The following SLC7A7 variants were observed in gnomAD, a reference collection of about 807,000 sequenced individuals.
SLC7A7 encodes solute carrier family 7 member 7.
SLC7A7 carries 39 observed loss-of-function variants against 47.9 expected under a neutral mutation model. The ratio of observed to expected loss-of-function variants is 0.81; its 90% CI spans 0.63 to 1.06. The LOEUF is 1.06. SLC7A7 is among the 50% of genes least tolerant of loss of function. SLC7A7 has a pLI of 0.00. For synonymous variants in SLC7A7, 234 were observed against 242.8 expected, an observed-to-expected ratio of 0.96 and a Z score of 0.34; for missense variants, 588 against 632.0, an observed-to-expected ratio of 0.93 and a Z score of 0.75.
At chr14:22,788,742 A>G (rs2038871565) in intron 2 of SLC7A7, among the ~76,000 whole-genome samples, 1 of 152,000 alleles carries the variant, frequency 6.6e-6, no homozygotes, top group Middle Eastern at 3.2e-3. Flanking sequence ...CTACGACTAC[A>G]GACAAAAATA....
chr14:22,785,762 G>A (rs1270993247), intron 2 of SLC7A7, among the ~76,000 whole-genome samples: 1 of 149,164 alleles, frequency 6.7e-6, no homozygotes, highest in Non-Finnish European at 1.5e-5. Context: ...GGTGGCTCAC[G>A]CTGTAATCCC....
chr14:22,798,038 G>A (rs1566455305), intron 2 of SLC7A7, among the ~76,000 whole-genome samples: 1 of 152,360 alleles, frequency 6.6e-6, no homozygotes, highest in African/African-American at 2.4e-5. Flanking sequence ...GCTCATGCCT[G>A]TAATCCCAGC....
At position 22,773,909 on chromosome 14, in the gene SLC7A7, C is replaced by T. The variant is rs116446064; in HGVS notation, c.1429+24G>A. ...AAAACCAAGCTCTGCAATAGCTGAG[C>T]GGACTTAAGGATGCACGGCTTACCC... On this transcript the variant is annotated intron_variant, in intron 9 of 9. Coordinates refer to ENST00000674313, the MANE Select transcript of SLC7A7 (RefSeq NM_003982.4). The T allele has an allele frequency of 5.9e-5, 96 of 1,613,448 alleles. No homozygotes were observed. In the African/African-American group the frequency reaches 1.1e-3, roughly 18 times the overall value.
chr14:22,773,801 G>C (rs991886207), intron 9 of SLC7A7, 85 bp from the exon 10 acceptor site: 1 of 1,525,384 alleles, frequency 6.6e-7, no homozygotes, highest in African/African-American at 1.4e-5. Flanking sequence ...AGTGTGAGGG[G>C]AGTGATTCCA....
Position 22,801,908 on chromosome 14 carries a change from G to A in SLC7A7, c.499+10992C>T, listed in dbSNP as rs553494495. On this transcript the variant is annotated intron_variant, in intron 2 of 9. Transcript: ENST00000674313. ...AAAAGACAATGACAGTGCAGGGAACGTGGCAACCTCTTCGCAAATACTTGT... is the reference window on the plus strand; with the variant it reads ...AAAAGACAATGACAGTGCAGGGAACATGGCAACCTCTTCGCAAATACTTGT... Among the ~76,000 whole-genome samples, 7 of 152,336 alleles carry A rather than the reference G, an allele frequency of 4.6e-5. No homozygotes were observed. The East Asian group carries it at 5.8e-4, about 13-fold the overall frequency.
At chr14:22,800,690 TTTG>T (rs1360751804) in intron 2 of SLC7A7, among the ~76,000 whole-genome samples, 1 of 7,976 alleles carries the variant, frequency 1.3e-4, no homozygotes, top group Non-Finnish European at 7.1e-4. Context: ...ATCCTAACAC[TTTG>T]TTTGGGAGGC....
At chr14:22,807,576 T>A (rs7144980) in intron 2 of SLC7A7, among the ~76,000 whole-genome samples, 2,707 of 151,824 alleles carry the variant, frequency 0.018, 84 homozygotes, top group African/African-American at 0.062. Context: ...TCTAAAAATA[T>A]AAAAATAAAC....
chr14:22,792,725 C>T (rs142537991), intron 2 of SLC7A7, among the ~76,000 whole-genome samples: 2,061 of 149,824 alleles, frequency 0.014, 26 homozygotes, highest in East Asian at 0.022. Flanking sequence ...GCCGTGGTGG[C>T]GCACGCCTGT....
intron 2 of SLC7A7, among the ~76,000 whole-genome samples, chr14:22,786,397 G>A (rs1594955370): frequency 6.6e-6 from 1 of 152,138 alleles, no homozygotes; most frequent in East Asian, 1.9e-4. Context: ...ACAACCCCTT[G>A]TGGAGCAAAT....
intron 2 of SLC7A7, among the ~76,000 whole-genome samples, chr14:22,785,088 G>A: frequency 6.6e-6 from 1 of 152,008 alleles, no homozygotes; most frequent in Non-Finnish European, 1.5e-5. Flanking sequence ...AGACCAGTCT[G>A]GCCACCATGG....
intron 2 of SLC7A7, among the ~76,000 whole-genome samples, chr14:22,802,441 A>G (rs74500293): frequency 0.2 from 30,000 of 151,082 alleles, 3,241 homozygotes; most frequent in South Asian, 0.28. Context: ...CAAACAAAAA[A>G]AATATTTATC....
intron 4 of SLC7A7, among the ~76,000 whole-genome samples, chr14:22,777,466 G>A (rs2038635629): frequency 1.3e-5 from 2 of 152,112 alleles, no homozygotes; most frequent in Admixed American, 6.6e-5. Context: ...AGAACCTCAG[G>A]AGCCATCCTA....
chr14:22,775,509 G>A lies in SLC7A7; in HGVS notation c.1030C>T (p.Leu344Phe), dbSNP rs766087313. The A allele has an allele frequency of 1.1e-5, 17 of 1,614,212 alleles. No individual in the cohort carries two copies. Among genetic ancestry groups the A allele is most frequent in the Non-Finnish European group, 1.4e-5 (17 of 1,180,022 alleles). The change falls in exon 7 of 10, where the codon CTC becomes TTC. Residue 344 changes from leucine (L) to phenylalanine (F), a missense_variant. By Grantham distance (22) the Leu-to-Phe change is conservative. Transcript: ENST00000674313. ...LFFVGSREGHLPDAICMIHVE... is the reference protein window; with the variant it reads ...LFFVGSREGHFPDAICMIHVE... The stretch of plus-strand genomic sequence containing the variant: ...TGGATCATGCAGATGGCATCAGGGA[G>A]ATGGCCTTCTCTTGAGCCCACAAAG...
intron 2 of SLC7A7, among the ~76,000 whole-genome samples, chr14:22,789,018 A>T (rs970394296): frequency 3.3e-5 from 5 of 152,166 alleles, no homozygotes; most frequent in African/African-American, 1.2e-4. Flanking sequence ...ATATTTGAAT[A>T]AAAAAATTAA....
intron 5 of SLC7A7, 30 bp downstream of exon 5, chr14:22,776,165 C>T: frequency 6.2e-7 from 1 of 1,614,140 alleles, no homozygotes; most frequent in Non-Finnish European, 8.5e-7. Flanking sequence ...ACAAGACACC[C>T]TCAACCTTCT....
intron 2 of SLC7A7, among the ~76,000 whole-genome samples, chr14:22,784,451 C>G (rs1268826525): frequency 6.6e-6 from 1 of 152,116 alleles, no homozygotes; most frequent in African/African-American, 2.4e-5. Context: ...AACCCTGTCT[C>G]TACTAAAAAT....
intron 3 of SLC7A7, among the ~76,000 whole-genome samples, chr14:22,779,601 C>G (rs1043968106): frequency 2.6e-5 from 4 of 152,010 alleles, no homozygotes; most frequent in Non-Finnish European, 5.9e-5. Flanking sequence ...ATTACAGGCG[C>G]CTGCCACCAT....
Position 22,774,377 on chromosome 14 carries a change from G to A in SLC7A7, c.1222C>T (p.Pro408Ser). The change falls in exon 8 of 10, where the codon CCT becomes TCT. Residue 408 changes from proline (P) to serine (S), a missense_variant. Coordinates refer to ENST00000674313, the MANE Select transcript of SLC7A7 (RefSeq NM_003982.4). ...ACCTTGAGGGGACGAGGTCGATCAG[G>A]CTCCTTCCAGCGCAGATAAAGCTGA... ...VGQLYLRWKE[P>S]DRPRPLKLSV... is the part of the protein sequence containing the mutation. The A allele has an allele frequency of 6.2e-7, 1 of 1,614,132 alleles. No homozygotes were observed. Among genetic ancestry groups the A allele is most frequent in the Non-Finnish European group, 8.5e-7 (1 of 1,180,022 alleles).
chr14:22,774,181 A>C, intron 8 of SLC7A7, 65 bp from the exon 9 acceptor site: 1 of 1,596,062 alleles, frequency 6.3e-7, no homozygotes, highest in African/African-American at 1.3e-5. Context: ...AAATAACCCC[A>C]CCTCCCATAA....
Sources: allele counts gnomAD v4.1 joint callset (sites outside exome capture counted in the v4.1 genomes callset), GRCh38; gene constraint gnomAD v4.1.1; transcripts MANE v1.5; gene names NCBI Gene and HGNC (gene_info 2026-07-23, HGNC 2026-07-21).